The following ZDHHC2 variants were observed in gnomAD, a reference collection of about 807,000 sequenced individuals.
The protein encoded by ZDHHC2 is palmitoyltransferase ZDHHC2.
Under a neutral mutation model 55.6 loss-of-function variants are expected in ZDHHC2, and 51 were observed. The ratio of observed to expected loss-of-function variants is 0.92; its 90% CI spans 0.73 to 1.16. The LOEUF is 1.16. ZDHHC2 is among the 50% of genes most tolerant of loss of function. ZDHHC2 has a pLI of 0.00. For missense variants in ZDHHC2, 491 were observed against 442.4 expected, an observed-to-expected ratio of 1.11 and a Z score of -0.99; for synonymous variants, 199 against 152.9, an observed-to-expected ratio of 1.30 and a Z score of -2.22.
chr8:17,196,668 C>G (rs1409405227), intron 4 of ZDHHC2, among the ~76,000 whole-genome samples: 1 of 151,362 alleles, frequency 6.6e-6, no homozygotes, highest in Non-Finnish European at 1.5e-5. Flanking sequence ...TTTGGGAGGC[C>G]GAGGCAGGTG....
intron 3 of ZDHHC2, 71 bp downstream of exon 3, chr8:17,186,496 A>T: frequency 1.1e-6 from 1 of 922,896 alleles, no homozygotes; most frequent in South Asian, 2.3e-5. Context: ...TTGAAGAACG[A>T]ATTTTATTTT....
chr8:17,173,623 C>G (rs1233139563), intron 1 of ZDHHC2, among the ~76,000 whole-genome samples: 2 of 150,000 alleles, frequency 1.3e-5, no homozygotes, highest in Non-Finnish European at 3.0e-5. Context: ...GTCGAGGCAG[C>G]ATGAGCCGTG....
intron 3 of ZDHHC2, among the ~76,000 whole-genome samples, chr8:17,187,294 TGG>T (rs954777382): frequency 6.6e-6 from 1 of 152,242 alleles, no homozygotes; most frequent in African/African-American, 2.4e-5. Flanking sequence ...TAAACGTTCT[TGG>T]AGCAAAGAAT....
chr8:17,173,910 T>C (rs1046799280), intron 1 of ZDHHC2, among the ~76,000 whole-genome samples: 3 of 152,072 alleles, frequency 2.0e-5, no homozygotes, highest in African/African-American at 7.2e-5. Flanking sequence ...GTCACCAGAG[T>C]AATCCCTTAT....
At position 17,221,926 on chromosome 8, in the gene ZDHHC2, T is replaced by TA. The variant is rs1164889674; in HGVS notation, c.*1712dup. 2 of 148,034 alleles carry TA rather than the reference T, an allele frequency of 1.4e-5. No individual in the cohort carries two copies. Among genetic ancestry groups the TA allele is most frequent in the Admixed American group, 6.7e-5 (1 of 14,830 alleles). The allele number at this position is 148,034 out of a possible 1,614,324, so 9.2% of individuals were successfully genotyped here. A position where few individuals can be genotyped will look rare whatever the true frequency, so the allele number is the denominator to read the frequency against. The stretch of plus-strand genomic sequence containing the variant: ...AACCTATAGCTACTGCTAGAAGTCT[T>TA]AAAAAAACCAACAGCAGCACAGGAT... On this transcript the variant is annotated 3_prime_UTR_variant, in exon 13 of 13. Transcript: ENST00000262096.
chr8:17,179,347 T>A (rs1277997905), intron 1 of ZDHHC2, among the ~76,000 whole-genome samples: 1 of 152,170 alleles, frequency 6.6e-6, no homozygotes, highest in African/African-American at 2.4e-5. Context: ...TCTACAAGCT[T>A]TGTAGCATCG....
intron 6 of ZDHHC2, among the ~76,000 whole-genome samples, chr8:17,200,645 A>T (rs1681070365): frequency 6.6e-6 from 1 of 152,262 alleles, no homozygotes. Context: ...ATAATTTATC[A>T]TTATAGTAAT....
At chr8:17,188,918 G>C (rs367592382) in intron 3 of ZDHHC2, among the ~76,000 whole-genome samples, 3 of 151,906 alleles carry the variant, frequency 2.0e-5, no homozygotes, top group Non-Finnish European at 2.9e-5. Flanking sequence ...GTCATCCTTG[G>C]CTACTCTTTT....
chr8:17,192,040 G>C (rs1806059143), intron 3 of ZDHHC2, among the ~76,000 whole-genome samples: 1 of 152,172 alleles, frequency 6.6e-6, no homozygotes, highest in African/African-American at 2.4e-5. Context: ...CTGGTGTGCA[G>C]TGCTGCAATC....
chr8:17,188,983 G>C (rs1355840660), intron 3 of ZDHHC2, among the ~76,000 whole-genome samples: 1 of 151,918 alleles, frequency 6.6e-6, no homozygotes, highest in Non-Finnish European at 1.5e-5. Context: ...CACCCTCAGA[G>C]TATGGCCACA....
At chr8:17,186,110 G>A (rs995587113) in intron 2 of ZDHHC2, among the ~76,000 whole-genome samples, 14 of 152,070 alleles carry the variant, frequency 9.2e-5, no homozygotes, top group African/African-American at 2.9e-4. Flanking sequence ...TTTATTCATG[G>A]GCATAGATCT....
chr8:17,182,413 G>T (rs1805473857), intron 1 of ZDHHC2, among the ~76,000 whole-genome samples: 1 of 152,082 alleles, frequency 6.6e-6, no homozygotes, highest in Non-Finnish European at 1.5e-5. Context: ...TTTTTATTTA[G>T]GCCTATGATG....
rs1807364415 is a variant in ZDHHC2 at position 17,211,120 on chromosome 8, G to A, written c.950+640G>A. 7.2e-5 allele frequency among the ~76,000 whole-genome samples: 11 copies of A among 152,098 alleles called. No homozygotes were observed. In the South Asian group the frequency reaches 2.3e-3, roughly 32 times the overall value. On this transcript the variant is annotated intron_variant, in intron 10 of 12. Coordinates refer to ENST00000262096, the MANE Select transcript of ZDHHC2 (RefSeq NM_016353.5). ...AGAGAAAGACCTGACATTTCATTCTGAACGTGCTACCAACTGGCAAAAGGA... is the reference window on the plus strand; with the variant it reads ...AGAGAAAGACCTGACATTTCATTCTAAACGTGCTACCAACTGGCAAAAGGA...
chr8:17,204,463 A>G (rs907054451), intron 6 of ZDHHC2, among the ~76,000 whole-genome samples: 9 of 152,278 alleles, frequency 5.9e-5, no homozygotes, highest in African/African-American at 1.9e-4. Context: ...TACTCAACCC[A>G]TGAAGGTATT....
At chr8:17,196,601 AAAC>A (rs1563159028) in intron 4 of ZDHHC2, among the ~76,000 whole-genome samples, 14 of 151,934 alleles carry the variant, frequency 9.2e-5, no homozygotes, top group Non-Finnish European at 8.8e-5. Context: ...AAAACAGGAA[AAAC>A]TCATTAAGAT....
At chr8:17,185,014 G>A (rs148937640) in intron 2 of ZDHHC2, among the ~76,000 whole-genome samples, 199 bp downstream of exon 2, 31 of 152,246 alleles carry the variant, frequency 2.0e-4, no homozygotes, top group African/African-American at 7.2e-4. Flanking sequence ...TGAAATGGCT[G>A]TCATTGTGCC....
chr8:17,213,141 TC>T (rs1363353077), intron 10 of ZDHHC2, among the ~76,000 whole-genome samples: 1 of 152,204 alleles, frequency 6.6e-6, no homozygotes, highest in Non-Finnish European at 1.5e-5. Flanking sequence ...GTGAGCTGTG[TC>T]TTCTCTTTAT....
chr8:17,190,581 A>AT (rs1805973069), intron 3 of ZDHHC2, among the ~76,000 whole-genome samples: 1 of 152,162 alleles, frequency 6.6e-6, no homozygotes, highest in African/African-American at 2.4e-5. Flanking sequence ...CATTGGTAAG[A>AT]TTTTCTCAAT....
intron 1 of ZDHHC2, among the ~76,000 whole-genome samples, chr8:17,158,406 C>G (rs1290362631): frequency 6.6e-6 from 1 of 152,164 alleles, no homozygotes. Context: ...AGCCTATTCT[C>G]CTGTATTATC....
Sources: gnomAD v4.1 joint callset for allele counts (sites outside exome capture counted in the v4.1 genomes callset) on GRCh38, gnomAD v4.1.1 for gene constraint, MANE v1.5 for transcripts, NCBI Gene and HGNC (gene_info 2026-07-23, HGNC 2026-07-21) for gene names.